Variants in CDKL5 observed in about 807,000 individuals in gnomAD.
CDKL5 encodes the protein cyclin dependent kinase like 5.
In CDKL5, 8 loss-of-function variants were observed where a neutral mutation model predicts 61.7. The observed-to-expected ratio is 0.13, with a 90% CI of 0.08 to 0.23. The LOEUF is 0.23. Ranked by LOEUF, CDKL5 falls within the 10% of genes least tolerant of loss-of-function variation. The probability of loss-of-function intolerance (pLI) is 1.00; values close to 1 mark genes in which losing one functional copy is unlikely to be tolerated. For synonymous variants in CDKL5, 275 were observed against 272.3 expected, an observed-to-expected ratio of 1.01 and a Z score of -0.10; for missense variants, 440 against 734.5, an observed-to-expected ratio of 0.60 and a Z score of 4.63.
At chrX:18,471,211 G>T (rs887852387) in intron 1 of CDKL5, among the ~76,000 whole-genome samples, 1 of 110,363 alleles carries the variant, frequency 9.1e-6, no homozygotes, top group South Asian at 3.8e-4. Flanking sequence ...TACATAGTAG[G>T]TATATATATT....
chrX:18,523,991 C>G (rs1923344007), intron 3 of CDKL5, among the ~76,000 whole-genome samples: 1 of 111,651 alleles, frequency 9.0e-6, no homozygotes, highest in Non-Finnish European at 1.9e-5. Context: ...TGTGTGGATT[C>G]TTTAGAATTT....
At chrX:18,539,088 C>G (rs2147114606) in intron 3 of CDKL5, among the ~76,000 whole-genome samples, 1 of 111,280 alleles carries the variant, frequency 9.0e-6, no homozygotes, top group Admixed American at 9.5e-5. Flanking sequence ...TGTTTTGTTC[C>G]TGATACTGAT....
Position 18,633,470 on chromosome X carries a change from A to C in CDKL5, c.*4713A>C. 1 of 754,905 alleles carries C rather than the reference A, an allele frequency of 1.3e-6. No individual in the cohort carries two copies. Among genetic ancestry groups the C allele is most frequent in the African/African-American group, 2.3e-5 (1 of 43,978 alleles). The allele number at this position is 754,905 out of a possible 1,213,427, so 62.2% of individuals were successfully genotyped here. A position where few individuals can be genotyped will look rare whatever the true frequency, so the allele number is the denominator to read the frequency against. ...AGACTTAAAAGCCTGGCTTACAAAA[A>C]TAACCAGAAACCAAACTTGTAAGCA... is the stretch of plus-strand genomic sequence containing the variant. On this transcript the variant is annotated 3_prime_UTR_variant, in exon 18 of 18. Transcript: ENST00000623535.
intron 1 of CDKL5, among the ~76,000 whole-genome samples, chrX:18,439,394 G>GGTGTGTGTGTGTGT (rs752724398): frequency 2.9e-5 from 3 of 101,894 alleles, no homozygotes; most frequent in Non-Finnish European, 4.0e-5. Context: ...TTCCATAATA[G>GGTGTGTGTGTGTGT]GTGTGTGTGT....
At chrX:18,606,577 G>GAC (rs1306300408) in intron 12 of CDKL5, among the ~76,000 whole-genome samples, 2 of 112,471 alleles carry the variant, frequency 1.8e-5, no homozygotes, top group Non-Finnish European at 3.8e-5. Flanking sequence ...AAGGGAGCGA[G>GAC]ACAGTCCAAG....
At chrX:18,516,410 G>C (rs1923020607) in intron 3 of CDKL5, among the ~76,000 whole-genome samples, 1 of 109,270 alleles carries the variant, frequency 9.2e-6, no homozygotes, top group Non-Finnish European at 1.9e-5. Flanking sequence ...CCTGGGTTTT[G>C]TTGCTGATCC....
rs762173324 is a variant in CDKL5, at chrX:18,650,649, C to T, written c.2980+57C>T. On this transcript the variant is annotated intron_variant, in intron 21 of 21. Transcript: ENST00000379989. ...GCCTGGGCTGTACCTCGGAATTGCCCGAGGAGCTGTAGAAATGCAGATGTT... is the reference window on the plus strand; with the variant it reads ...GCCTGGGCTGTACCTCGGAATTGCCTGAGGAGCTGTAGAAATGCAGATGTT... 7.5e-5 allele frequency: 86 copies of T among 1,147,744 alleles called. No individual in the cohort carries two copies. The Admixed American group carries it at 9.8e-4, about 13-fold the overall frequency. The allele number at this position is 1,147,744 out of a possible 1,213,427, so 94.6% of individuals were successfully genotyped here. A position where few individuals can be genotyped will look rare whatever the true frequency, so the allele number is the denominator to read the frequency against.
intron 1 of CDKL5, among the ~76,000 whole-genome samples, chrX:18,447,853 T>G (rs1931916228): frequency 9.0e-6 from 1 of 111,309 alleles, no homozygotes; most frequent in African/African-American, 3.3e-5. Context: ...CTTTTTTTTT[T>G]TCTTTTTGAG....
At chrX:18,479,722 C>T (rs1459148283) in intron 1 of CDKL5, among the ~76,000 whole-genome samples, 2 of 111,466 alleles carry the variant, frequency 1.8e-5, no homozygotes. Context: ...GAGAAACAAC[C>T]AAAAGGGGAT....
chrX:18,590,367 T>G (rs1411346837), intron 9 of CDKL5, among the ~76,000 whole-genome samples: 2 of 112,127 alleles, frequency 1.8e-5, no homozygotes, highest in Non-Finnish European at 3.8e-5. Context: ...TCCCCACCAT[T>G]TCTTTCCTTT....
intron 20 of CDKL5, among the ~76,000 whole-genome samples, chrX:18,646,739 T>C (rs2147193366): frequency 9.0e-6 from 1 of 110,976 alleles, no homozygotes; most frequent in East Asian, 2.9e-4. Flanking sequence ...CTCAGGGCTT[T>C]TGCACCTGCT....
rs746035152 is a variant in CDKL5 at position 18,468,047 on chromosome X, T to A, written c.-162-38888T>A. On this transcript the variant is annotated intron_variant, in intron 1 of 17. Transcript: ENST00000623535. ...TCTTCAACCAGTCTAGCTGGTTAAA[T>A]AATTTTATTATTCCTGTAGATTAAA... is the stretch of plus-strand genomic sequence containing the variant. Among the ~76,000 whole-genome samples the A allele has an allele frequency of 5.3e-5, 6 of 112,206 alleles. No individual in the cohort carries two copies. In the East Asian group the frequency reaches 1.7e-3, roughly 31 times the overall value.
At position 18,651,274 on chromosome X, in the gene CDKL5, A is replaced by T. The variant is rs933848587; in HGVS notation, c.2980+682A>T. Reference sequence around the variant, plus strand: ...GTGTGTGTGTGTGTGTGAGAGAGAGAGAGAGAGAGAGAGACAGAGAGACAC... The same window carrying T: ...GTGTGTGTGTGTGTGTGAGAGAGAGTGAGAGAGAGAGAGACAGAGAGACAC... On this transcript the variant is annotated intron_variant, in intron 21 of 21. Coordinates refer to the CDKL5 transcript ENST00000379989. Among the ~76,000 whole-genome samples the T allele has an allele frequency of 1.5e-3, 164 of 107,655 alleles. 4 individuals are homozygous for T. The highest frequency in any genetic ancestry group is 0.014 in the Admixed American group (139 of 9,846). The allele number at this position is 107,655 out of a possible 115,157, so 93.5% of individuals were successfully genotyped here.
intron 1 of CDKL5, among the ~76,000 whole-genome samples, chrX:18,437,625 A>G (rs186841842): frequency 8.9e-6 from 1 of 112,381 alleles, no homozygotes; most frequent in Admixed American, 9.5e-5. Flanking sequence ...TTACTATTGT[A>G]TAGGAGCACT....
rs151084706 is a variant in CDKL5, at chrX:18,650,880, T to C, written c.2980+288T>C. Among the ~76,000 whole-genome samples the C allele has an allele frequency of 6.0e-3, 675 of 112,332 alleles. 4 individuals are homozygous for C. Among genetic ancestry groups the C allele is most frequent in the African/African-American group, 0.02 (625 of 30,939 alleles). On this transcript the variant is annotated intron_variant, in intron 21 of 21. Coordinates refer to the CDKL5 transcript ENST00000379989. Reference sequence around the variant, plus strand: ...CCTCATCTGTGAAATGGGGGCATGATGTAGTACCTGTCTTCATAAAATTGC... The same window carrying C: ...CCTCATCTGTGAAATGGGGGCATGACGTAGTACCTGTCTTCATAAAATTGC...
intron 3 of CDKL5, among the ~76,000 whole-genome samples, chrX:18,556,839 C>T (rs980093255): frequency 3.2e-5 from 3 of 95,086 alleles, no homozygotes; most frequent in Admixed American, 1.3e-4. Context: ...GCCGAGACCA[C>T]GCCACTGCAC....
chrX:18,511,718 C>T (rs1352255168), intron 3 of CDKL5, among the ~76,000 whole-genome samples: 3 of 111,585 alleles, frequency 2.7e-5, no homozygotes, highest in African/African-American at 6.5e-5. Flanking sequence ...GTATTCTTGT[C>T]ATTAAGTGAT....
Position 18,635,258 on chromosome X carries a change from G to A in CDKL5, c.*6501G>A. On this transcript the variant is annotated 3_prime_UTR_variant, in exon 18 of 18. Transcript: ENST00000623535. ...AAACTTATGTAAAATTTCTATTGTT[G>A]CTGTAAATATTACACAAATATCTAT... 1.3e-6 allele frequency: 1 copy of A among 750,195 alleles called. No homozygotes were observed. The highest frequency in any genetic ancestry group is 2.3e-5 in the African/African-American group (1 of 43,427). 61.8% of individuals were successfully genotyped at this position (750,195 alleles called of 1,213,427 possible).
At chrX:18,527,826 A>G (rs913812872) in intron 3 of CDKL5, among the ~76,000 whole-genome samples, 4 of 111,644 alleles carry the variant, frequency 3.6e-5, no homozygotes, top group Non-Finnish European at 7.5e-5. Flanking sequence ...CTGTTTTCTA[A>G]TAACGCACTT....
Sources: gnomAD v4.1 joint callset for allele counts (sites outside exome capture counted in the v4.1 genomes callset) on GRCh38, gnomAD v4.1.1 for gene constraint, MANE v1.5 for transcripts, NCBI Gene and HGNC (gene_info 2026-07-23, HGNC 2026-07-21) for gene names.